ZFHX3: variants seen among roughly 807,000 people sequenced by gnomAD.
ZFHX3 encodes the protein zinc finger homeobox protein 3.
Under a neutral mutation model 279.1 loss-of-function variants are expected in ZFHX3, and 42 were observed. The observed-to-expected ratio is 0.15, with a 90% confidence interval of 0.12 to 0.19. The LOEUF is 0.19. ZFHX3 is among the 10% of genes least tolerant of loss of function. The probability of loss-of-function intolerance (pLI) is 1.00; values close to 1 mark genes in which losing one functional copy is unlikely to be tolerated. For synonymous variants in ZFHX3, 2,293 were observed against 1,957.8 expected, an observed-to-expected ratio of 1.17 and a Z score of -4.52; for missense variants, 4,981 against 4,754.0, an observed-to-expected ratio of 1.05 and a Z score of -1.40.
chr16:73,835,493 G>A (rs1223850821), intron 1 of ZFHX3, among the ~76,000 whole-genome samples: 5 of 62,966 alleles, frequency 7.9e-5, no homozygotes, highest in African/African-American at 2.8e-4. Flanking sequence ...TTTTTGAGAT[G>A]GAGTTTCACT....
chr16:73,550,153 G>A (rs1314291905), intron 2 of ZFHX3, among the ~76,000 whole-genome samples: 1 of 152,166 alleles, frequency 6.6e-6, no homozygotes, highest in African/African-American at 2.4e-5. Context: ...TCCCCCAGGA[G>A]TACTTCGGGG....
intron 4 of ZFHX3, among the ~76,000 whole-genome samples, chr16:73,312,359 T>G (rs2015346845): frequency 6.6e-6 from 1 of 152,138 alleles, no homozygotes; most frequent in Admixed American, 6.5e-5. Flanking sequence ...AACTGATCAC[T>G]TATCTTCTTT....
chr16:73,664,467 G>T (rs1484125702), intron 2 of ZFHX3, among the ~76,000 whole-genome samples: 1 of 152,128 alleles, frequency 6.6e-6, no homozygotes, highest in Non-Finnish European at 1.5e-5. Flanking sequence ...TATTCTTTCA[G>T]AAACTTGCTT....
At chr16:73,608,309 C>T (rs760697703) in intron 2 of ZFHX3, among the ~76,000 whole-genome samples, 4 of 152,180 alleles carry the variant, frequency 2.6e-5, no homozygotes, top group Non-Finnish European at 2.9e-5. Flanking sequence ...GATAAGTGCT[C>T]AGAGCGTCCC....
rs776161171 is a variant in ZFHX3, at chr16:72,795,951, G to C, written c.6731C>G (p.Ser2244Cys). Residue 2244 changes from serine (S) to cysteine (C), a missense_variant, in exon 9 of 10, where the codon TCT (serine) becomes TGT (cysteine). Physicochemically the swap from Ser to Cys is moderately radical, Grantham distance 112. Around this residue, in one of 7 missense-constraint regions of ZFHX3, gnomAD observed 177 missense variants for 244.2 expected, o/e 0.72. Transcript: ENST00000268489. ...PKQEYWGSKR[S>C]SRTRFTDYQL... ...GTAGTCCGTAAACCTTGTTCTTGAAGACCTCTTGCTTCCCCAGTACTCCTG... is the reference window on the plus strand; with the variant it reads ...GTAGTCCGTAAACCTTGTTCTTGAACACCTCTTGCTTCCCCAGTACTCCTG... The C allele has an allele frequency of 2.5e-6, 4 of 1,614,140 alleles. No homozygotes were observed. In the Admixed American group the frequency reaches 6.7e-5, roughly 27 times the overall value.
chr16:73,721,223 G>A (rs2053470706), intron 1 of ZFHX3, among the ~76,000 whole-genome samples: 1 of 152,200 alleles, frequency 6.6e-6, no homozygotes. Flanking sequence ...CCGGGTTCAA[G>A]CGATTGTCCT....
intron 2 of ZFHX3, among the ~76,000 whole-genome samples, chr16:73,560,796 T>C (rs965526884): frequency 2.0e-5 from 3 of 152,162 alleles, no homozygotes; most frequent in Non-Finnish European, 4.4e-5. Context: ...AAATCTCACT[T>C]GTGTGAGTCG....
chr16:72,957,591 C>T lies in ZFHX3; in HGVS notation c.2555G>A (p.Ser852Asn), dbSNP rs2144433479. 1 of 1,613,650 alleles carries T rather than the reference C, an allele frequency of 6.2e-7. No homozygotes were observed. The highest frequency in any genetic ancestry group is 1.7e-5 in the Admixed American group (1 of 59,966). The change falls in exon 2 of 10, where the codon AGC becomes AAC. Residue 852 changes from serine to asparagine, a missense_variant. Coordinates refer to ENST00000268489, the MANE Select transcript of ZFHX3 (RefSeq NM_006885.4). ...CTCGGCCTCGGCGGGTGAGGGCAGG[C>T]TGCCGAGGCCCAGGTGGCGGTTGTG... is the stretch of plus-strand genomic sequence containing the variant. ...IQHNRHLGLG[S>N]LPSPAEAELY...
chr16:73,733,736 C>T (rs981905113), intron 1 of ZFHX3, among the ~76,000 whole-genome samples: 3 of 152,060 alleles, frequency 2.0e-5, no homozygotes. Context: ...TTAATTAAGT[C>T]CTCAACAAAT....
At chr16:73,690,040 T>A (rs1041564130) in intron 1 of ZFHX3, among the ~76,000 whole-genome samples, 13 of 152,122 alleles carry the variant, frequency 8.5e-5, no homozygotes, top group Admixed American at 5.2e-4. Flanking sequence ...CTCAGCCTCC[T>A]GAGTAGCTGG....
chr16:73,446,151 G>C lies in ZFHX3; in HGVS notation c.-1291+9852C>G, dbSNP rs1258085050. ...TATTAAGGTGTGGAATCTTAAGTCT[G>C]AGGGGGAAATGGTGGAGTACATTTG... On this transcript the variant is annotated intron_variant, in intron 3 of 17. Transcript: ENST00000641206. Among the ~76,000 whole-genome samples the C allele has an allele frequency of 3.9e-5, 6 of 152,188 alleles. No homozygotes were observed. In the East Asian group the frequency reaches 1.2e-3, roughly 29 times the overall value.
intron 2 of ZFHX3, among the ~76,000 whole-genome samples, chr16:73,578,214 C>A (rs1454928712): frequency 6.6e-6 from 1 of 152,138 alleles, no homozygotes; most frequent in Non-Finnish European, 1.5e-5. Context: ...TTCTGTCAGA[C>A]AACTGATTAG....
chr16:73,437,345 C>G (rs1169697717), intron 3 of ZFHX3, among the ~76,000 whole-genome samples: 1 of 152,092 alleles, frequency 6.6e-6, no homozygotes, highest in Non-Finnish European at 1.5e-5. Context: ...TAGCAAACTA[C>G]AAAAAGTATT....
At chr16:73,424,938 C>A (rs74028643) in intron 3 of ZFHX3, among the ~76,000 whole-genome samples, 2,962 of 152,128 alleles carry the variant, frequency 0.019, 88 homozygotes, top group African/African-American at 0.066. Flanking sequence ...ACTTTCTTAT[C>A]TGGAGCTTTC....
intron 1 of ZFHX3, among the ~76,000 whole-genome samples, chr16:73,797,646 G>C (rs937934935): frequency 6.7e-5 from 10 of 149,840 alleles, no homozygotes; most frequent in African/African-American, 1.7e-4. Flanking sequence ...TAGAGATTTG[G>C]ATCTACACTG....
At chr16:73,059,233 AG>A (rs1965642459) in exon 1 of ZFHX3, 1 of 142,132 alleles carries the variant, frequency 7.0e-6, no homozygotes, top group African/African-American at 2.6e-5. Context: ...AAAAAAAAAC[AG>A]GGGAAAGTGA....
chr16:73,065,959 G>C (rs995884269), intron 8 of ZFHX3, among the ~76,000 whole-genome samples: 1 of 152,230 alleles, frequency 6.6e-6, no homozygotes, highest in Admixed American at 6.5e-5. Context: ...TTTGGAGCCC[G>C]TACTTGGTTA....
At chr16:73,578,478 G>C (rs571494246) in intron 2 of ZFHX3, among the ~76,000 whole-genome samples, 18 of 152,170 alleles carry the variant, frequency 1.2e-4, no homozygotes, top group African/African-American at 4.3e-4. Flanking sequence ...AGTTTGCTCA[G>C]AGGCTTTAAA....
intron 6 of ZFHX3, among the ~76,000 whole-genome samples, chr16:73,136,166 G>A (rs1466020995): frequency 1.3e-5 from 2 of 152,094 alleles, no homozygotes; most frequent in African/African-American, 4.8e-5. Context: ...CATAATCCAT[G>A]GAGCCACTTG....
Sources: allele counts gnomAD v4.1 joint callset (sites outside exome capture counted in the v4.1 genomes callset), GRCh38; gene constraint gnomAD v4.1.1; regional missense constraint gnomAD v4.1.1; transcripts MANE v1.5; gene names NCBI Gene and HGNC (gene_info 2026-07-23, HGNC 2026-07-21).